Variants in CD36 observed in about 807,000 individuals in gnomAD.
CD36 encodes platelet glycoprotein 4.
A neutral mutation model predicts 55.2 loss-of-function variants in CD36; 119 were observed. The ratio of observed to expected loss-of-function variants is 2.15; its 90% CI spans 1.86 to 2.51. CD36 has a LOEUF of 2.51. CD36 is among the 30% of genes most tolerant of loss of function. CD36 has a pLI of 0.00. For synonymous variants in CD36, 186 were observed against 193.6 expected (o/e 0.96, Z 0.33); for missense variants, 819 against 555.5 (o/e 1.47, Z -4.77).
intron 3 of CD36, 63 bp downstream of exon 3, chr7:80,646,923 T>C (rs764034112): frequency 1.3e-6 from 2 of 1,582,930 alleles, no homozygotes; most frequent in Non-Finnish European, 8.7e-7. Context: ...CTTTTTTTGC[T>C]TTGTATTTAC....
rs1320416056 is a variant in CD36, at chr7:80,640,840, C to T, written c.-184+2094C>T. ...TGCATTAGTTTTTAAAGACTACCAT[C>T]AAAACAAGTTACAAATTGCAATATT... On this transcript the variant is annotated intron_variant, in intron 1 of 14. Coordinates refer to ENST00000447544, the MANE Select transcript of CD36 (RefSeq NM_001001548.3). Among the ~76,000 whole-genome samples, 2 of 151,962 alleles carry T rather than the reference C, an allele frequency of 1.3e-5. 1 individual carries two copies. The highest frequency in any genetic ancestry group is 1.3e-4 in the Admixed American group (2 of 15,228).
intron 8 of CD36, among the ~76,000 whole-genome samples, chr7:80,669,466 C>T (rs979240587): frequency 3.9e-5 from 6 of 152,080 alleles, no homozygotes; most frequent in East Asian, 3.9e-4. Context: ...TTCCACTTGT[C>T]GCCCAGGCTG....
chr7:80,609,246 C>T (rs969535423), intron 1 of CD36, among the ~76,000 whole-genome samples: 6 of 152,198 alleles, frequency 3.9e-5, no homozygotes, highest in Admixed American at 3.9e-4. Context: ...AACTCATACA[C>T]TGTACCGAAT....
chr7:80,611,125 C>T (rs929136496), intron 1 of CD36, among the ~76,000 whole-genome samples: 1 of 151,932 alleles, frequency 6.6e-6, no homozygotes, highest in African/African-American at 2.4e-5. Flanking sequence ...TCAAGCAATC[C>T]TCCCTCTTGG....
At position 80,666,488 on chromosome 7, in the gene CD36, A is replaced by C. The variant is rs2116766354; in HGVS notation, c.747A>C (p.Thr249=). 1 of 1,605,440 alleles carries C rather than the reference A, an allele frequency of 6.2e-7. No homozygotes were observed. The highest frequency in any genetic ancestry group is 8.5e-7 in the Non-Finnish European group (1 of 1,172,612). ...WESHCDMING[T]DAASFPPFVE... is the part of the protein sequence containing the mutation. ...GTCACTGCGACATGATTAATGGTAC[A>C]GGTAAGAATATTTGTTTTGTGGTCA... The change falls in exon 8 of 15, where the codon ACA becomes ACC. Residue 249 remains threonine (T), a splice_region_variant and synonymous_variant. Coordinates refer to ENST00000447544, the MANE Select transcript of CD36 (RefSeq NM_001001548.3).
At chr7:80,617,353 C>T (rs184367784) in intron 1 of CD36, among the ~76,000 whole-genome samples, 281 of 151,858 alleles carry the variant, frequency 1.9e-3, no homozygotes, top group Non-Finnish European at 2.0e-3. Flanking sequence ...ATGTAACAAA[C>T]CTGCATGTGT....
At chr7:80,638,126 T>A (rs951857475), upstream of CD36, among the ~76,000 whole-genome samples, 10 of 152,028 alleles carry the variant, frequency 6.6e-5, no homozygotes, top group Admixed American at 6.6e-5. Context: ...CAGTTTGTCA[T>A]CCTTGCTGAT....
chr7:80,666,434 T>C lies in CD36; in HGVS notation c.702-9T>C. On this transcript the variant is annotated splice_polypyrimidine_tract_variant and intron_variant, in intron 7 of 14. Coordinates refer to ENST00000447544, the MANE Select transcript of CD36 (RefSeq NM_001001548.3). ...AGAATGTTTATTCATTGTCTTTTTC[T>C]ATTCCTAGGAATCTGTCCTATTGGG... 6.4e-7 allele frequency: 1 copy of C among 1,573,114 alleles called. No individual in the cohort carries two copies.
chr7:80,641,069 G>A (rs1408751780), intron 1 of CD36, among the ~76,000 whole-genome samples: 5 of 152,008 alleles, frequency 3.3e-5, no homozygotes, highest in Non-Finnish European at 7.4e-5. Flanking sequence ...GAGCCCAAGT[G>A]AAGCGTGACT....
At chr7:80,606,342 A>G (rs923733483) in intron 1 of CD36, among the ~76,000 whole-genome samples, 3 of 152,094 alleles carry the variant, frequency 2.0e-5, no homozygotes, top group African/African-American at 7.2e-5. Flanking sequence ...TGTTCTTCCC[A>G]GCATGTCTGG....
chr7:80,632,120 G>C (rs1204612772), intron 1 of CD36, among the ~76,000 whole-genome samples: 2 of 151,836 alleles, frequency 1.3e-5, no homozygotes, highest in Non-Finnish European at 2.9e-5. Context: ...GGAAAATGAT[G>C]TTATGATTTC....
chr7:80,649,196 A>G (rs1280187667), intron 3 of CD36, among the ~76,000 whole-genome samples: 2 of 152,094 alleles, frequency 1.3e-5, no homozygotes, highest in Admixed American at 1.3e-4. Context: ...TACTCATCTT[A>G]CAGGCGCAAG....
In CD36 at chr7:80,675,989, G is replaced by C. The variant is rs372324156; in HGVS notation, c.*1-395G>C. 7 of 152,110 alleles carry C rather than the reference G, an allele frequency of 4.6e-5. No homozygotes were observed. In the East Asian group the frequency reaches 7.8e-4, roughly 17 times the overall value. 9.4% of individuals were successfully genotyped at this position (152,110 alleles called of 1,614,324 possible). A position where few individuals can be genotyped will look rare whatever the true frequency, so the allele number is the denominator to read the frequency against. On this transcript the variant is annotated intron_variant, in intron 14 of 14. Coordinates refer to ENST00000447544, the MANE Select transcript of CD36 (RefSeq NM_001001548.3). ...AAGCACCCTTCTTATGTGCCTTTCT[G>C]GAATGGGAATGTGTTTTGCCCTATT...
At chr7:80,622,746 A>G (rs1034114256) in intron 1 of CD36, among the ~76,000 whole-genome samples, 3 of 152,196 alleles carry the variant, frequency 2.0e-5, no homozygotes, top group Non-Finnish European at 2.9e-5. Flanking sequence ...TGCATTTCCT[A>G]TTAGTCCAGG....
chr7:80,617,413 A>G (rs1265993112), intron 1 of CD36, among the ~76,000 whole-genome samples: 1 of 152,106 alleles, frequency 6.6e-6, no homozygotes, highest in African/African-American at 2.4e-5. Context: ...GTATCCTCAA[A>G]ATAATTTTTA....
chr7:80,635,467 G>T (rs1485515360), upstream of CD36, among the ~76,000 whole-genome samples: 1 of 151,976 alleles, frequency 6.6e-6, no homozygotes, highest in Non-Finnish European at 1.5e-5. Flanking sequence ...TAGAGAGGAG[G>T]TTTCACCATG....
intron 3 of CD36, 76 bp from the exon 4 acceptor site, chr7:80,656,464 A>G (rs1260865927): frequency 1.5e-6 from 2 of 1,378,804 alleles, no homozygotes; most frequent in African/African-American, 2.9e-5. Flanking sequence ...TGGCTGACTC[A>G]AGGCTGCAAA....
Position 80,674,113 on chromosome 7 carries a change from C to T in CD36, c.1385C>T (p.Ser462Leu). 1 of 1,612,126 alleles carries T rather than the reference C, an allele frequency of 6.2e-7. No homozygotes were observed. Among genetic ancestry groups the T allele is most frequent in the South Asian group, 1.1e-5 (1 of 91,010 alleles). ...GTGATGTTTGTTGCTTTTATGATTT[C>T]ATATTGTGCATGCAGATCGAAAACA... ...GVVMFVAFMISYCACRSKTIK is the reference protein window; with the variant it reads ...GVVMFVAFMILYCACRSKTIK The change falls in exon 14 of 15, where the codon TCA (serine) becomes TTA (leucine). Residue 462 changes from serine (S) to leucine (L), a missense_variant. Transcript: ENST00000447544.
upstream of CD36, among the ~76,000 whole-genome samples, chr7:80,634,450 C>G (rs1011566552): frequency 6.6e-6 from 1 of 151,996 alleles, no homozygotes; most frequent in Non-Finnish European, 1.5e-5. Context: ...TGCATATAGC[C>G]TTACATTTTA....
Sources: gnomAD v4.1 joint callset for allele counts (sites outside exome capture counted in the v4.1 genomes callset) on GRCh38, gnomAD v4.1.1 for gene constraint, MANE v1.5 for transcripts, NCBI Gene and HGNC (gene_info 2026-07-23, HGNC 2026-07-21) for gene names.